The following NTM variants were observed in gnomAD, a reference collection of about 807,000 sequenced individuals.
NTM encodes neurotrimin.
In NTM, 13 loss-of-function variants were observed where a neutral mutation model predicts 42.1. The ratio of observed to expected loss-of-function variants is 0.31; its 90% CI spans 0.20 to 0.49. The LOEUF (loss-of-function observed/expected upper bound fraction) is 0.49. NTM is among the 20% of genes least tolerant of loss of function. The pLI, the probability that NTM is intolerant of heterozygous loss-of-function variation, is 0.99. For missense variants in NTM, 373 were observed against 452.8 expected (o/e 0.82, Z 1.60); for synonymous variants, 187 against 179.2 (o/e 1.04, Z -0.35).
At chr11:132,221,056 C>T (rs777606334) in intron 4 of NTM, among the ~76,000 whole-genome samples, 3 of 152,152 alleles carry the variant, frequency 2.0e-5, no homozygotes, top group South Asian at 2.1e-4. Flanking sequence ...TAGGACCCTC[C>T]GAGCACTGCC....
At chr11:131,592,641 A>C (rs1239326378) in intron 1 of NTM, among the ~76,000 whole-genome samples, 2 of 118,836 alleles carry the variant, frequency 1.7e-5, no homozygotes, top group South Asian at 5.7e-4. Flanking sequence ...ACACACACAC[A>C]CCCCAAACAC....
At chr11:131,789,661 AAGAAG>A (rs1183208935) in intron 1 of NTM, among the ~76,000 whole-genome samples, 11 of 120,814 alleles carry the variant, frequency 9.1e-5, no homozygotes, top group African/African-American at 3.0e-4. Flanking sequence ...GAAGAAGAAG[AAGAAG>A]AAAGCATGGG....
chr11:131,437,117 G>T (rs992931225), intron 1 of NTM, among the ~76,000 whole-genome samples: 2 of 152,198 alleles, frequency 1.3e-5, no homozygotes, highest in African/African-American at 2.4e-5. Flanking sequence ...TGAATCCCGA[G>T]TTCTAATTTG....
chr11:131,895,101 C>T (rs2052043866), intron 1 of NTM, among the ~76,000 whole-genome samples: 1 of 152,200 alleles, frequency 6.6e-6, no homozygotes, highest in Non-Finnish European at 1.5e-5. Context: ...AAGAGAAAAC[C>T]TGCAGCTCTA....
chr11:132,240,281 T>G (rs1161928761), intron 4 of NTM, among the ~76,000 whole-genome samples: 1 of 152,262 alleles, frequency 6.6e-6, no homozygotes, highest in African/African-American at 2.4e-5. Context: ...TCTTTTTTCC[T>G]CAACTCTGTA....
intron 1 of NTM, among the ~76,000 whole-genome samples, chr11:131,463,627 A>T (rs909928627): frequency 2.6e-5 from 4 of 152,230 alleles, no homozygotes; most frequent in African/African-American, 9.7e-5. Context: ...AATCTATTGA[A>T]TTTATTATGC....
intron 1 of NTM, among the ~76,000 whole-genome samples, chr11:131,842,222 G>A (rs1019531402): frequency 2.6e-5 from 4 of 152,256 alleles, no homozygotes; most frequent in Middle Eastern, 3.4e-3. Flanking sequence ...CATTTTAATC[G>A]CTGGAACAGA....
intron 1 of NTM, among the ~76,000 whole-genome samples, chr11:131,653,916 G>A (rs1040750587): frequency 1.3e-5 from 2 of 152,242 alleles, no homozygotes; most frequent in East Asian, 1.9e-4. Flanking sequence ...AGGAAGGTGG[G>A]CAGGTGCTCA....
chr11:131,769,569 T>C, intron 1 of NTM: 1 of 976,492 alleles, frequency 1.0e-6, no homozygotes, highest in Non-Finnish European at 1.2e-6. Context: ...TATGTGTATC[T>C]CATTAATCAC....
At chr11:131,976,012 G>A (rs1411341199) in intron 2 of NTM, among the ~76,000 whole-genome samples, 1 of 152,098 alleles carries the variant, frequency 6.6e-6, no homozygotes, top group Non-Finnish European at 1.5e-5. Flanking sequence ...CTGGGGTCTT[G>A]TTACCTGCTC....
chr11:132,065,623 G>T (rs1219841119), intron 2 of NTM, among the ~76,000 whole-genome samples: 1 of 152,078 alleles, frequency 6.6e-6, no homozygotes, highest in African/African-American at 2.4e-5. Flanking sequence ...TGCCATTCAA[G>T]AATTTAAATT....
intron 4 of NTM, among the ~76,000 whole-genome samples, chr11:132,236,713 G>C (rs1329887315): frequency 6.6e-6 from 1 of 152,246 alleles, no homozygotes; most frequent in Non-Finnish European, 1.5e-5. Flanking sequence ...GACTGAAGCA[G>C]TGGGCTGTGC....
chr11:132,137,520 G>A (rs935947011), intron 2 of NTM, among the ~76,000 whole-genome samples: 6 of 152,200 alleles, frequency 3.9e-5, no homozygotes, highest in Non-Finnish European at 8.8e-5. Flanking sequence ...CAACGAACCT[G>A]TAATAGTCAG....
chr11:131,511,107 G>T (rs440648), intron 1 of NTM, among the ~76,000 whole-genome samples: 26,114 of 152,150 alleles, frequency 0.17, 2,533 homozygotes, highest in Admixed American at 0.28. Flanking sequence ...AATTGAGGGG[G>T]ACAGTGTCCT....
chr11:131,713,542 A>T lies in NTM; in HGVS notation c.83-198022A>T, dbSNP rs189813803. Among the ~76,000 whole-genome samples, 4 of 152,028 alleles carry T rather than the reference A, an allele frequency of 2.6e-5. No individual in the cohort carries two copies. The East Asian group carries it at 7.8e-4, about 30-fold the overall frequency. On this transcript the variant is annotated intron_variant, in intron 1 of 8. Coordinates refer to ENST00000683400, the MANE Select transcript of NTM (RefSeq NM_001352005.2). ...TCTTTGGAGAACTAGTATCTGAAAA[A>T]CCTTTCCTCTCTTCCTTTCAGTATG...
chr11:131,731,940 A>T (rs1490745828), intron 1 of NTM, among the ~76,000 whole-genome samples: 1 of 152,190 alleles, frequency 6.6e-6, no homozygotes, highest in African/African-American at 2.4e-5. Context: ...GCTATTGTGT[A>T]TCTGAAGCCC....
At chr11:131,626,218 T>C (rs1056432923) in intron 1 of NTM, among the ~76,000 whole-genome samples, 2 of 152,172 alleles carry the variant, frequency 1.3e-5, no homozygotes, top group Non-Finnish European at 2.9e-5. Context: ...ACCTATTAAA[T>C]AGTACTGAGG....
intron 1 of NTM, among the ~76,000 whole-genome samples, chr11:131,852,799 C>T (rs1288969157): frequency 1.3e-5 from 2 of 151,964 alleles, no homozygotes; most frequent in Admixed American, 1.3e-4. Context: ...ATCTAACCAC[C>T]CATTCATCCA....
At chr11:132,046,438 A>G (rs1048423157) in intron 2 of NTM, among the ~76,000 whole-genome samples, 2 of 152,162 alleles carry the variant, frequency 1.3e-5, no homozygotes, top group Non-Finnish European at 2.9e-5. Context: ...CTACTGGCCA[A>G]TGGGGAAATC....
Sources: gnomAD v4.1 joint callset for allele counts (sites outside exome capture counted in the v4.1 genomes callset) on GRCh38, gnomAD v4.1.1 for gene constraint, MANE v1.5 for transcripts, NCBI Gene and HGNC (gene_info 2026-07-23, HGNC 2026-07-21) for gene names.